Variants in KCNMB2 observed in about 807,000 individuals in gnomAD.
KCNMB2 encodes the protein potassium calcium-activated channel subfamily M regulatory beta subunit 2.
A neutral mutation model predicts 24.5 loss-of-function variants in KCNMB2; 9 were observed. The observed-to-expected ratio is 0.37, with a 90% confidence interval of 0.22 to 0.64. The LOEUF (loss-of-function observed/expected upper bound fraction) is 0.64. Ranked by LOEUF, KCNMB2 falls within the 30% of genes least tolerant of loss-of-function variation. KCNMB2 has a pLI of 0.63. For synonymous variants in KCNMB2, 109 were observed against 104.4 expected, an observed-to-expected ratio of 1.04 and a Z score of -0.27; for missense variants, 226 against 284.3, an observed-to-expected ratio of 0.79 and a Z score of 1.47.
intron 1 of KCNMB2, among the ~76,000 whole-genome samples, chr3:178,737,547 C>T (rs1200374490): frequency 6.6e-6 from 1 of 152,116 alleles, no homozygotes; most frequent in Non-Finnish European, 1.5e-5. Flanking sequence ...TAAAACTTGT[C>T]TATAATATCA....
At chr3:178,701,670 C>T (rs1002846601) in intron 1 of KCNMB2, among the ~76,000 whole-genome samples, 2 of 152,200 alleles carry the variant, frequency 1.3e-5, no homozygotes, top group Admixed American at 6.5e-5. Context: ...TGAAAAAATG[C>T]TCATCATCAC....
intron 1 of KCNMB2, among the ~76,000 whole-genome samples, chr3:178,774,306 G>A (rs77021771): frequency 0.095 from 14,505 of 152,118 alleles, 791 homozygotes; most frequent in Middle Eastern, 0.17. Flanking sequence ...GCCTTGGAAA[G>A]ATACAAGGTG....
chr3:178,606,420 C>T (rs1350651930), intron 1 of KCNMB2, among the ~76,000 whole-genome samples: 2 of 151,976 alleles, frequency 1.3e-5, no homozygotes, highest in African/African-American at 2.4e-5. Context: ...ATGAAGTTTC[C>T]CTTGTAGCCT....
At chr3:178,652,149 A>G (rs2108560546) in intron 1 of KCNMB2, among the ~76,000 whole-genome samples, 1 of 152,334 alleles carries the variant, frequency 6.6e-6, no homozygotes, top group East Asian at 1.9e-4. Flanking sequence ...GCAGAATGGG[A>G]GAAAATTTTT....
At chr3:178,585,668 C>T (rs528253100) in intron 1 of KCNMB2, among the ~76,000 whole-genome samples, 20 of 152,222 alleles carry the variant, frequency 1.3e-4, no homozygotes, top group Admixed American at 8.5e-4. Context: ...TCCAGATGTA[C>T]GGTGGGCTGA....
At chr3:178,642,130 T>G (rs112864697) in intron 1 of KCNMB2, among the ~76,000 whole-genome samples, 39 of 152,276 alleles carry the variant, frequency 2.6e-4, no homozygotes, top group African/African-American at 9.4e-4. Context: ...ACAATTCAGA[T>G]AGAGATTTTG....
chr3:178,676,741 G>A (rs1459500218), intron 1 of KCNMB2, among the ~76,000 whole-genome samples: 1 of 152,094 alleles, frequency 6.6e-6, no homozygotes, highest in Non-Finnish European at 1.5e-5. Context: ...AGGTAGCAGA[G>A]TCAATATACT....
intron 1 of KCNMB2, among the ~76,000 whole-genome samples, chr3:178,783,436 C>A (rs990090411): frequency 6.6e-6 from 1 of 151,264 alleles, no homozygotes. Flanking sequence ...ATGGAATGTT[C>A]TTCCATTTGT....
intron 1 of KCNMB2, among the ~76,000 whole-genome samples, chr3:178,607,183 TATAGAAACTTAATGGTG>T (rs1718302127): frequency 6.6e-6 from 1 of 152,098 alleles, no homozygotes; most frequent in South Asian, 2.1e-4. Context: ...AAGAACTGAA[TATAGAAACTTAATGGTG>T]ATTCGGGTGT....
At chr3:178,710,885 C>T (rs368854504) in intron 1 of KCNMB2, among the ~76,000 whole-genome samples, 39 of 152,176 alleles carry the variant, frequency 2.6e-4, no homozygotes, top group Middle Eastern at 6.8e-3. Flanking sequence ...ATTATGCATT[C>T]ATTTGTTTAC....
In KCNMB2 at chr3:178,667,468, C is replaced by T. The variant is rs551933775; in HGVS notation, c.-68+130757C>T. Among the ~76,000 whole-genome samples the T allele has an allele frequency of 4.5e-4, 69 of 152,240 alleles. 1 individual carries two copies. Among genetic ancestry groups the T allele is most frequent in the African/African-American group, 1.6e-3 (68 of 41,552 alleles). ...TGAGGACACACCAAGAAGGCCCTCC[C>T]AAGACGCCAAATGCTGATGCCTTGA... is the stretch of plus-strand genomic sequence containing the variant. On this transcript the variant is annotated intron_variant, in intron 1 of 4. Coordinates refer to ENST00000452583, the MANE Select transcript of KCNMB2 (RefSeq NM_181361.3).
chr3:178,697,532 G>A (rs114371699), intron 1 of KCNMB2, among the ~76,000 whole-genome samples: 1,892 of 152,234 alleles, frequency 0.012, 33 homozygotes, highest in African/African-American at 0.044. Context: ...GAAGACAGCA[G>A]CCCAATGGGT....
chr3:178,589,324 T>C (rs1380887831), intron 1 of KCNMB2, among the ~76,000 whole-genome samples: 1 of 152,122 alleles, frequency 6.6e-6, no homozygotes, highest in Non-Finnish European at 1.5e-5. Context: ...CACGTGCAAA[T>C]ACCACAGCCT....
At chr3:178,711,067 T>A (rs1337741213) in intron 1 of KCNMB2, among the ~76,000 whole-genome samples, 1 of 152,154 alleles carries the variant, frequency 6.6e-6, no homozygotes, top group African/African-American at 2.4e-5. Flanking sequence ...ATAAATAGTT[T>A]ATTAAGTTTT....
intron 1 of KCNMB2, among the ~76,000 whole-genome samples, chr3:178,557,273 C>A (rs1716156980): frequency 6.6e-6 from 1 of 152,108 alleles, no homozygotes; most frequent in African/African-American, 2.4e-5. Flanking sequence ...TGGATTAAGA[C>A]CACTATAGAT....
At chr3:178,672,217 G>A (rs1720923641) in intron 1 of KCNMB2, among the ~76,000 whole-genome samples, 1 of 152,126 alleles carries the variant, frequency 6.6e-6, no homozygotes, top group South Asian at 2.1e-4. Context: ...GGACTCTACT[G>A]ATCACCTTCT....
chr3:178,763,746 A>G (rs1256176325), intron 1 of KCNMB2, among the ~76,000 whole-genome samples: 1 of 152,180 alleles, frequency 6.6e-6, no homozygotes, highest in African/African-American at 2.4e-5. Flanking sequence ...AACGAAACAC[A>G]CCACTGTGTA....
At chr3:178,643,415 G>T (rs1249821046) in intron 1 of KCNMB2, among the ~76,000 whole-genome samples, 1 of 152,152 alleles carries the variant, frequency 6.6e-6, no homozygotes, top group African/African-American at 2.4e-5. Flanking sequence ...ATACATGCAT[G>T]TATAACTGCT....
At position 178,687,122 on chromosome 3, in the gene KCNMB2, C is replaced by T. The variant is rs553439776; in HGVS notation, c.-67-120221C>T. ...AACAAAGCCATTTTGCATTTCCATC[C>T]GGGAATCCATATGAGGATGCTCTTA... is the stretch of plus-strand genomic sequence containing the variant. On this transcript the variant is annotated intron_variant, in intron 1 of 4. Transcript: ENST00000452583. 5.3e-5 allele frequency among the ~76,000 whole-genome samples: 8 copies of T among 152,068 alleles called. No homozygotes were observed. The South Asian group carries it at 8.3e-4, about 16-fold the overall frequency.
Sources: allele counts gnomAD v4.1 joint callset (sites outside exome capture counted in the v4.1 genomes callset), GRCh38; gene constraint gnomAD v4.1.1; transcripts MANE v1.5; gene names NCBI Gene and HGNC (gene_info 2026-07-23, HGNC 2026-07-21).